Variants in RSAD2 observed in about 807,000 individuals in gnomAD.
RSAD2 encodes radical S-adenosyl methionine domain containing 2, also known as S-adenosylmethionine-dependent nucleotide dehydratase RSAD2.
A neutral mutation model predicts 37.7 loss-of-function variants in RSAD2; 38 were observed. The observed-to-expected ratio is 1.01, with a 90% confidence interval of 0.78 to 1.32. The LOEUF (loss-of-function observed/expected upper bound fraction) is 1.32, where lower values mean the gene tolerates loss of function less well. Ranked by LOEUF, RSAD2 falls within the 40% of genes most tolerant of loss-of-function variation. RSAD2 has a pLI of 0.00. For missense variants in RSAD2, 428 were observed against 437.5 expected (o/e 0.98, Z 0.19); for synonymous variants, 163 against 157.4 (o/e 1.04, Z -0.27).
Position 6,886,936 on chromosome 2 carries a change from T to C in RSAD2, c.510T>C (p.Gly170=). ...TTAAACATGATCATTTTCCCTCAGG[T>C]GAGTATTTGGACATTCTCGCTATCT... ...LIRERWFQNY[G]EYLDILAISC... The change falls in exon 3 of 6, where the codon GGT becomes GGC. Residue 170 remains glycine, a splice_region_variant and synonymous_variant. Transcript: ENST00000382040. 2.5e-6 allele frequency: 4 copies of C among 1,612,440 alleles called. No homozygotes were observed. The highest frequency in any genetic ancestry group is 3.4e-6 in the Non-Finnish European group (4 of 1,178,490).
At chr2:6,884,577 C>T (rs887262967) in intron 2 of RSAD2, among the ~76,000 whole-genome samples, 2 of 152,132 alleles carry the variant, frequency 1.3e-5, no homozygotes, top group Non-Finnish European at 2.9e-5. Context: ...ATCAGCCGTC[C>T]AGGATGTCCT....
upstream of RSAD2, among the ~76,000 whole-genome samples, chr2:6,873,964 A>ATGTTGAAAT (rs1187152377): frequency 6.6e-6 from 1 of 152,192 alleles, no homozygotes; most frequent in Non-Finnish European, 1.5e-5. Flanking sequence ...ACCAAATCTC[A>ATGTTGAAAT]TGTTGAAATT....
chr2:6,878,989 G>C (rs756078536), intron 1 of RSAD2: 4 of 515,998 alleles, frequency 7.8e-6, no homozygotes, highest in South Asian at 6.1e-5. Context: ...CAGATTCAGA[G>C]AGAAAGCATC....
At chr2:6,869,530 A>T (rs1419559460) in intron 1 of RSAD2, among the ~76,000 whole-genome samples, 1 of 152,238 alleles carries the variant, frequency 6.6e-6, no homozygotes, top group Non-Finnish European at 1.5e-5. Flanking sequence ...CAAAGAGGTT[A>T]AAGAAGATGT....
chr2:6,892,376 T>A (rs1227153529), intron 4 of RSAD2, among the ~76,000 whole-genome samples: 1 of 152,114 alleles, frequency 6.6e-6, no homozygotes, highest in Non-Finnish European at 1.5e-5. Flanking sequence ...TATGCACTAT[T>A]TTATTTAATT....
At chr2:6,890,390 T>A (rs1663606248) in intron 4 of RSAD2, 65 bp downstream of exon 4, 5 of 1,555,496 alleles carry the variant, frequency 3.2e-6, no homozygotes. Context: ...AAAAGGGAAG[T>A]CTCTCAGCCA....
chr2:6,873,121 C>T (rs1231561591), upstream of RSAD2, among the ~76,000 whole-genome samples: 1 of 152,152 alleles, frequency 6.6e-6, no homozygotes, highest in African/African-American at 2.4e-5. Flanking sequence ...AACTTTTTCT[C>T]TTGTTCTGAC....
At chr2:6,895,297 C>G (rs1276206994) in intron 5 of RSAD2, among the ~76,000 whole-genome samples, 1 of 152,230 alleles carries the variant, frequency 6.6e-6, no homozygotes, top group Non-Finnish European at 1.5e-5. Flanking sequence ...TCAAAACAAG[C>G]CTTTATTAAT....
intron 1 of RSAD2, among the ~76,000 whole-genome samples, chr2:6,881,881 A>T (rs1663412194): frequency 6.6e-6 from 1 of 151,732 alleles, no homozygotes; most frequent in African/African-American, 2.4e-5. Context: ...CCATCCTCCT[A>T]AAATGCAGGC....
intron 1 of RSAD2, among the ~76,000 whole-genome samples, chr2:6,881,982 A>G (rs1371150031): frequency 6.6e-6 from 1 of 152,258 alleles, no homozygotes; most frequent in Admixed American, 6.5e-5. Flanking sequence ...AAATGCAGGC[A>G]GGCAGGTATG....
intron 4 of RSAD2, 53 bp downstream of exon 4, chr2:6,890,378 C>T (rs536105813): frequency 2.5e-6 from 4 of 1,584,494 alleles, no homozygotes; most frequent in Admixed American, 3.4e-5. Context: ...AGATTGATTC[C>T]CAAAAGGGAA....
intron 5 of RSAD2, among the ~76,000 whole-genome samples, chr2:6,894,207 T>A (rs1439483910): frequency 1.3e-5 from 2 of 152,172 alleles, no homozygotes; most frequent in Non-Finnish European, 2.9e-5. Flanking sequence ...ACCACTGATA[T>A]TATTCCTACC....
At chr2:6,866,767 C>T (rs545214858) in intron 1 of RSAD2, 1 of 151,268 alleles carries the variant, frequency 6.6e-6, no homozygotes, top group South Asian at 2.1e-4. Context: ...GGGAAACTCT[C>T]TCAAAAAAAT....
chr2:6,887,232 A>T lies in RSAD2; in HGVS notation c.738+68A>T. 17 of 1,191,616 alleles carry T rather than the reference A, an allele frequency of 1.4e-5. No homozygotes were observed. In the South Asian group the frequency reaches 2.3e-4, roughly 16 times the overall value. 73.8% of individuals were successfully genotyped at this position (1,191,616 alleles called of 1,614,324 possible). A position where few individuals can be genotyped will look rare whatever the true frequency, so the allele number is the denominator to read the frequency against. On this transcript the variant is annotated intron_variant, in intron 3 of 5. Coordinates refer to ENST00000382040, the MANE Select transcript of RSAD2 (RefSeq NM_080657.5). ...CTTTCAGGAATGACTTTTTTCAATG[A>T]AACTGAAAACAATACTGATACAAGA...
chr2:6,893,717 A>T lies in RSAD2; in HGVS notation c.921+14A>T. ...CTGGATGAATATGTGAGTATTTCCA[A>T]TGAGTTATAAAATTAAAACTTAATT... On this transcript the variant is annotated intron_variant, in intron 5 of 5. Coordinates refer to ENST00000382040, the MANE Select transcript of RSAD2 (RefSeq NM_080657.5). The T allele has an allele frequency of 1.3e-6, 2 of 1,566,990 alleles. No homozygotes were observed. Among genetic ancestry groups the T allele is most frequent in the Non-Finnish European group, 1.8e-6 (2 of 1,137,926 alleles).
chr2:6,891,699 G>A lies in RSAD2; in HGVS notation c.888+1374G>A, dbSNP rs138916756. On this transcript the variant is annotated intron_variant, in intron 4 of 5. Transcript: ENST00000382040. ...GGAGAATGGTGTGAACCCGGGAGGC[G>A]GAGCTTGCAATGAGCGGAGATCGCT... Among the ~76,000 whole-genome samples the A allele has an allele frequency of 3.2e-3, 484 of 152,232 alleles. 1 individual carries two copies. Among genetic ancestry groups the A allele is most frequent in the African/African-American group, 0.011 (450 of 41,544 alleles).
intron 4 of RSAD2, among the ~76,000 whole-genome samples, chr2:6,891,331 T>C (rs991754458): frequency 6.6e-6 from 1 of 152,204 alleles, no homozygotes; most frequent in Non-Finnish European, 1.5e-5. Context: ...GTATAAATTA[T>C]TGCAACTTTC....
upstream of RSAD2, among the ~76,000 whole-genome samples, chr2:6,873,198 T>C (rs935615830): frequency 1.3e-5 from 2 of 152,216 alleles, no homozygotes; most frequent in African/African-American, 4.8e-5. Flanking sequence ...TTTTCCTTCA[T>C]TGTAACTTGA....
upstream of RSAD2, among the ~76,000 whole-genome samples, chr2:6,876,259 C>T (rs574877264): frequency 1.3e-5 from 2 of 152,266 alleles, no homozygotes; most frequent in African/African-American, 4.8e-5. Flanking sequence ...AGTAGGGTTC[C>T]TTCTGCATGC....
Sources: allele counts gnomAD v4.1 joint callset (sites outside exome capture counted in the v4.1 genomes callset), GRCh38; gene constraint gnomAD v4.1.1; transcripts MANE v1.5; gene names NCBI Gene and HGNC (gene_info 2026-07-23, HGNC 2026-07-21).